SLX4IP: variants seen among roughly 807,000 people sequenced by gnomAD.
SLX4IP encodes the protein SLX4 interacting protein, also known as protein SLX4IP.
In SLX4IP, 34 loss-of-function variants were observed where a neutral mutation model predicts 32.9. The ratio of observed to expected loss-of-function variants is 1.03; its 90% CI spans 0.79 to 1.38. The LOEUF is 1.38. Ranked by LOEUF, SLX4IP falls within the 40% of genes most tolerant of loss-of-function variation. SLX4IP has a pLI of 0.00. For missense variants in SLX4IP, 444 were observed against 479.0 expected, an observed-to-expected ratio of 0.93 and a Z score of 0.68; for synonymous variants, 172 against 171.7, an observed-to-expected ratio of 1.00 and a Z score of -0.01.
rs548391333 is a variant in SLX4IP at position 10,557,221 on chromosome 20, C to T, written c.117+901C>T. 2.0e-5 allele frequency among the ~76,000 whole-genome samples: 3 copies of T among 152,286 alleles called. No individual in the cohort carries two copies. In the East Asian group the frequency reaches 5.8e-4, roughly 29 times the overall value. On this transcript the variant is annotated intron_variant, in intron 3 of 7. Transcript: ENST00000334534. Reference sequence around the variant, plus strand: ...TGAAAAAACAAAAAGCCACCCTTTTCTGTGATAATTGCTTTTAATTAGCTT... The same window carrying T: ...TGAAAAAACAAAAAGCCACCCTTTTTTGTGATAATTGCTTTTAATTAGCTT...
At chr20:10,588,424 A>G (rs1300530177) in intron 4 of SLX4IP, among the ~76,000 whole-genome samples, 6 of 152,218 alleles carry the variant, frequency 3.9e-5, no homozygotes, top group Non-Finnish European at 7.4e-5. Context: ...TAGTACAGCC[A>G]TTATGGAAAA....
intron 2 of SLX4IP, among the ~76,000 whole-genome samples, chr20:10,506,916 A>G (rs1285992067): frequency 6.6e-6 from 1 of 152,208 alleles, no homozygotes; most frequent in Non-Finnish European, 1.5e-5. Context: ...TAAAAATTGC[A>G]TATATTTAAG....
intron 6 of SLX4IP, among the ~76,000 whole-genome samples, chr20:10,608,896 A>G (rs999552801): frequency 3.3e-5 from 5 of 151,930 alleles, no homozygotes; most frequent in Non-Finnish European, 5.9e-5. Context: ...AAGAAACTCG[A>G]CTCCCTAATT....
Position 10,623,057 on chromosome 20 carries a change from C to T in SLX4IP, c.905C>T (p.Ala302Val), listed in dbSNP as rs752161612. 30 of 1,613,950 alleles carry T rather than the reference C, an allele frequency of 1.9e-5. No homozygotes were observed. Among genetic ancestry groups the T allele is most frequent in the Admixed American group, 5.0e-5 (3 of 60,000 alleles). ...CAGAAACGCAGGAACTGCAGCTCTGCGGAAGACTTCGACCACCACGGGAGA... is the reference window on the plus strand; with the variant it reads ...CAGAAACGCAGGAACTGCAGCTCTGTGGAAGACTTCGACCACCACGGGAGA... The part of the protein sequence containing the change: ...TQQKRRNCSS[A>V]EDFDHHGRVS... Residue 302 changes from alanine (A) to valine (V), a missense_variant, in exon 8 of 8, where the codon GCG (alanine) becomes GTG (valine). Physicochemically the swap from Ala to Val is moderately conservative, Grantham distance 64 (BLOSUM62 0). Transcript: ENST00000334534.
At chr20:10,440,224 G>C (rs968687312) in intron 1 of SLX4IP, among the ~76,000 whole-genome samples, 3 of 151,912 alleles carry the variant, frequency 2.0e-5, no homozygotes, top group Non-Finnish European at 4.4e-5. Flanking sequence ...GGAGGCCGAG[G>C]CTGGCGGATC....
At chr20:10,508,140 G>A (rs1247273266) in intron 2 of SLX4IP, among the ~76,000 whole-genome samples, 3 of 152,174 alleles carry the variant, frequency 2.0e-5, no homozygotes, top group African/African-American at 4.8e-5. Flanking sequence ...TTATATGAGA[G>A]GACACTTGGC....
At chr20:10,485,013 G>A (rs2065560165) in intron 2 of SLX4IP, among the ~76,000 whole-genome samples, 1 of 152,106 alleles carries the variant, frequency 6.6e-6, no homozygotes, top group Non-Finnish European at 1.5e-5. Flanking sequence ...GCTCACTGAA[G>A]CCAAGGGGAG....
rs148964388 is a variant in SLX4IP, at chr20:10,566,497, G to A, written c.238+5677G>A. ...GAGTACTAAGGAAGCAGAGTCATGG[G>A]GATGGAACGTAAACGTTTGCTGAGG... is the stretch of plus-strand genomic sequence containing the variant. On this transcript the variant is annotated intron_variant, in intron 4 of 7. Transcript: ENST00000334534. 2.2e-3 allele frequency among the ~76,000 whole-genome samples: 327 copies of A among 152,086 alleles called. 5 individuals are homozygous for A. Among genetic ancestry groups the A allele is most frequent in the Admixed American group, 0.016 (246 of 15,286 alleles).
chr20:10,544,196 T>G (rs928929105), intron 2 of SLX4IP, among the ~76,000 whole-genome samples: 6 of 152,126 alleles, frequency 3.9e-5, no homozygotes, highest in African/African-American at 1.4e-4. Context: ...CCCCCTTTCT[T>G]TTCATTTCTG....
intron 2 of SLX4IP, among the ~76,000 whole-genome samples, chr20:10,480,685 A>G (rs185407730): frequency 4.0e-4 from 61 of 152,380 alleles, no homozygotes; most frequent in Non-Finnish European, 7.5e-4. Context: ...ATTTCTTTGA[A>G]ATTAAAATAG....
intron 4 of SLX4IP, among the ~76,000 whole-genome samples, chr20:10,586,968 G>GT (rs972214968): frequency 2.0e-5 from 3 of 152,012 alleles, no homozygotes; most frequent in Admixed American, 6.6e-5. Context: ...TAAGAACTAG[G>GT]TAACTCCAGT....
chr20:10,588,266 G>A (rs992531051), intron 4 of SLX4IP, among the ~76,000 whole-genome samples: 1 of 152,082 alleles, frequency 6.6e-6, no homozygotes, highest in African/African-American at 2.4e-5. Context: ...GGTGCTTAAC[G>A]TTATTTACCA....
intron 6 of SLX4IP, among the ~76,000 whole-genome samples, chr20:10,610,926 G>T (rs1307828914): frequency 1.3e-5 from 2 of 152,170 alleles, no homozygotes; most frequent in Admixed American, 6.6e-5. Flanking sequence ...AAGACAGGTG[G>T]CTTCTGCGCA....
At chr20:10,589,209 C>T (rs2066678950) in intron 4 of SLX4IP, among the ~76,000 whole-genome samples, 1 of 152,076 alleles carries the variant, frequency 6.6e-6, no homozygotes, top group Non-Finnish European at 1.5e-5. Flanking sequence ...ACTAAAAAAA[C>T]TTTATTGGAA....
At chr20:10,622,487 T>A (rs957499531) in intron 7 of SLX4IP, among the ~76,000 whole-genome samples, 172 bp from the exon 8 acceptor site, 6 of 152,210 alleles carry the variant, frequency 3.9e-5, no homozygotes, top group African/African-American at 1.4e-4. Flanking sequence ...TGATTCAGTC[T>A]GCATTTAAAC....
At chr20:10,620,744 A>G (rs2067100313) in intron 6 of SLX4IP, among the ~76,000 whole-genome samples, 1 of 152,080 alleles carries the variant, frequency 6.6e-6, no homozygotes, top group East Asian at 1.9e-4. Flanking sequence ...TTTAGTAGAG[A>G]CGGGGTTTCA....
At chr20:10,570,900 G>A (rs923425904) in intron 4 of SLX4IP, among the ~76,000 whole-genome samples, 1 of 152,152 alleles carries the variant, frequency 6.6e-6, no homozygotes, top group Non-Finnish European at 1.5e-5. Flanking sequence ...AACAGTCGTG[G>A]CTCATGGCAG....
intron 6 of SLX4IP, among the ~76,000 whole-genome samples, chr20:10,611,727 T>C (rs926400746): frequency 6.6e-6 from 1 of 152,332 alleles, no homozygotes; most frequent in East Asian, 1.9e-4. Flanking sequence ...TGAGCATTGC[T>C]TCCAGGAACT....
intron 4 of SLX4IP, among the ~76,000 whole-genome samples, chr20:10,565,899 A>G (rs2122507928): frequency 6.6e-6 from 1 of 152,342 alleles, no homozygotes; most frequent in East Asian, 1.9e-4. Context: ...CTCCCCTTCT[A>G]GTTCATTCCC....
Sources: allele counts gnomAD v4.1 joint callset (sites outside exome capture counted in the v4.1 genomes callset), GRCh38; gene constraint gnomAD v4.1.1; transcripts MANE v1.5; gene names NCBI Gene and HGNC (gene_info 2026-07-23, HGNC 2026-07-21).